The following PHF3 variants were observed in gnomAD, a reference collection of about 807,000 sequenced individuals.
PHF3 encodes the protein PHD finger protein 3.
A neutral mutation model predicts 178.4 loss-of-function variants in PHF3; 41 were observed. That is an observed-to-expected ratio of 0.23 (90% CI 0.18 to 0.30). The LOEUF (loss-of-function observed/expected upper bound fraction) is 0.30. Ranked by LOEUF, PHF3 falls within the 10% of genes least tolerant of loss-of-function variation. The pLI, the probability that PHF3 is intolerant of heterozygous loss-of-function variation, is 1.00. For synonymous variants in PHF3, 842 were observed against 800.5 expected (o/e 1.05, Z -0.88); for missense variants, 2,346 against 2,398.1 (o/e 0.98, Z 0.45).
rs1316297434 is a variant in PHF3, at chr6:63,717,630, A to G, written c.*3922A>G. Among the ~76,000 whole-genome samples, 2 of 152,054 alleles carry G rather than the reference A, an allele frequency of 1.3e-5. No homozygotes were observed. The highest frequency in any genetic ancestry group is 4.8e-5 in the African/African-American group (2 of 41,436). ...ATGTCAAGTTTCATCTTATAGATAG[A>G]TGCAGAGCAGAGTCATTGAGGGAAA... On this transcript the variant is annotated 3_prime_UTR_variant, in exon 16 of 16. Transcript: ENST00000262043.
intron 1 of PHF3, among the ~76,000 whole-genome samples, chr6:63,645,484 C>T (rs144193497): frequency 2.8e-4 from 42 of 152,228 alleles, no homozygotes; most frequent in African/African-American, 9.9e-4. Flanking sequence ...ATTCTTCCCT[C>T]ATTTTTATAG....
intron 14 of PHF3, 148 bp downstream of exon 14, chr6:63,709,388 A>G: frequency 1.6e-6 from 1 of 621,368 alleles, no homozygotes; most frequent in South Asian, 2.2e-5. Context: ...AAAACTGAAC[A>G]AAAGCCATTT....
intron 2 of PHF3, among the ~76,000 whole-genome samples, chr6:63,659,927 T>C (rs1429851399): frequency 6.6e-6 from 1 of 152,198 alleles, no homozygotes; most frequent in Non-Finnish European, 1.5e-5. Flanking sequence ...GCAATCATTC[T>C]AAATTTTTTT....
At chr6:63,709,835 T>G (rs1767852120) in intron 14 of PHF3, among the ~76,000 whole-genome samples, 1 of 152,180 alleles carries the variant, frequency 6.6e-6, no homozygotes, top group Non-Finnish European at 1.5e-5. Context: ...TTCTTATTAG[T>G]AATAGGAGGA....
chr6:63,721,128 A>T lies in PHF3; in HGVS notation c.*7420A>T. 1 of 1,551,434 alleles carries T rather than the reference A, an allele frequency of 6.4e-7. No homozygotes were observed. Among genetic ancestry groups the T allele is most frequent in the Non-Finnish European group, 8.7e-7 (1 of 1,146,754 alleles). The stretch of plus-strand genomic sequence containing the variant: ...GTTTCTCATTCTATAATTTGGATCA[A>T]TGTATTTAATGTAAGAATTACCCAT... On this transcript the variant is annotated 3_prime_UTR_variant, in exon 16 of 16. Transcript: ENST00000262043.
intron 14 of PHF3, among the ~76,000 whole-genome samples, chr6:63,710,933 T>C (rs1329874024): frequency 1.3e-5 from 2 of 152,210 alleles, no homozygotes; most frequent in African/African-American, 2.4e-5. Flanking sequence ...CCATTTCTTA[T>C]GTTTCCGTAA....
intron 6 of PHF3, among the ~76,000 whole-genome samples, chr6:63,695,087 G>T (rs879712930): frequency 6.6e-6 from 1 of 152,156 alleles, no homozygotes; most frequent in Non-Finnish European, 1.5e-5. Context: ...GTAATGGGAT[G>T]GATAGTCACA....
At chr6:63,690,407 A>C (rs527994487) in intron 4 of PHF3, among the ~76,000 whole-genome samples, 2 of 152,274 alleles carry the variant, frequency 1.3e-5, no homozygotes, top group Admixed American at 6.5e-5. Flanking sequence ...GAAGAAGAAA[A>C]GGAAGTGCTG....
At chr6:63,640,507 T>C (rs755893813) in intron 1 of PHF3, among the ~76,000 whole-genome samples, 2 of 152,240 alleles carry the variant, frequency 1.3e-5, no homozygotes, top group Non-Finnish European at 2.9e-5. Context: ...TTAATTTGTT[T>C]AGCACAATGC....
Position 63,682,153 on chromosome 6 carries a change from G to A in PHF3, c.407-1976G>A, listed in dbSNP as rs1046929557. ...TTACTATCTCCAGAGAATAAGCTACGAGTTTTGGCTCAGGACTAGGGAAGG... is the reference window on the plus strand; with the variant it reads ...TTACTATCTCCAGAGAATAAGCTACAAGTTTTGGCTCAGGACTAGGGAAGG... On this transcript the variant is annotated intron_variant, in intron 3 of 15. Coordinates refer to ENST00000262043, the MANE Select transcript of PHF3 (RefSeq NM_001370348.2). 9.9e-5 allele frequency among the ~76,000 whole-genome samples: 15 copies of A among 152,210 alleles called. 2 individuals are homozygous for A. Among genetic ancestry groups the A allele is most frequent in the Admixed American group, 7.9e-4 (12 of 15,286 alleles).
chr6:63,675,701 G>C (rs1039802924), intron 2 of PHF3, among the ~76,000 whole-genome samples: 21 of 152,148 alleles, frequency 1.4e-4, no homozygotes, highest in African/African-American at 5.1e-4. Context: ...ATTGTAGATT[G>C]TTGACCAAGA....
chr6:63,646,884 C>CTTTT, intron 2 of PHF3, 89 bp downstream of exon 2: 6 of 594,586 alleles, frequency 1.0e-5, no homozygotes, highest in Admixed American at 1.1e-4. Context: ...TTCTTTTTTT[C>CTTTT]TTTTTTTTTT....
Position 63,713,471 on chromosome 6 carries a change from C to T in PHF3, c.5883C>T (p.Ser1961=), listed in dbSNP as rs1157622380. The T allele has an allele frequency of 1.9e-6, 3 of 1,613,642 alleles. No individual in the cohort carries two copies. The highest frequency in any genetic ancestry group is 2.5e-6 in the Non-Finnish European group (3 of 1,179,890). Residue 1961 remains serine (S), a synonymous_variant, in exon 16 of 16, where the codon AGC becomes AGT. Transcript: ENST00000262043. The stretch of plus-strand genomic sequence containing the variant: ...AAGACAAGGACAGAGACAGAAAAAG[C>T]AGGGAGGAAGGGCACAAAGATAAAG... ...RSQDKDRDRK[S]REEGHKDKER...
At chr6:63,677,744 C>G (rs1297421656) in intron 2 of PHF3, among the ~76,000 whole-genome samples, 2 of 152,142 alleles carry the variant, frequency 1.3e-5, no homozygotes, top group African/African-American at 4.8e-5. Context: ...AAAACAACAG[C>G]AATGGCAAAA....
chr6:63,669,308 G>A (rs1258239836), intron 2 of PHF3, among the ~76,000 whole-genome samples: 1 of 152,220 alleles, frequency 6.6e-6, no homozygotes, highest in African/African-American at 2.4e-5. Context: ...TGGGAAACCA[G>A]TGATTGTATT....
chr6:63,659,920 A>G (rs1765394246), intron 2 of PHF3, among the ~76,000 whole-genome samples: 1 of 152,190 alleles, frequency 6.6e-6, no homozygotes, highest in African/African-American at 2.4e-5. Context: ...ATAGATTGCA[A>G]TCATTCTAAA....
At chr6:63,678,538 A>G (rs1444404297) in intron 2 of PHF3, among the ~76,000 whole-genome samples, 4 of 151,824 alleles carry the variant, frequency 2.6e-5, no homozygotes, top group Non-Finnish European at 5.9e-5. Flanking sequence ...GATAAGAATT[A>G]CTGTGTATGA....
Position 63,718,551 on chromosome 6 carries a change from A to G in PHF3, c.*4843A>G, listed in dbSNP as rs1375590433. Among the ~76,000 whole-genome samples the G allele has an allele frequency of 1.3e-5, 2 of 151,976 alleles. No homozygotes were observed. The highest frequency in any genetic ancestry group is 6.6e-5 in the Admixed American group (1 of 15,206). On this transcript the variant is annotated 3_prime_UTR_variant, in exon 16 of 16. Transcript: ENST00000262043. ...TTGTCTTGATTTTTGCATATTTCCA[A>G]TTTCTGACTTAGGGCTGGATTCTCT...
chr6:63,649,555 T>G (rs1475926127), intron 2 of PHF3, among the ~76,000 whole-genome samples: 3 of 152,216 alleles, frequency 2.0e-5, no homozygotes, highest in Non-Finnish European at 2.9e-5. Context: ...CGGACCAGTA[T>G]TTTTGTTGTT....
Sources: gnomAD v4.1 joint callset for allele counts (sites outside exome capture counted in the v4.1 genomes callset) on GRCh38, gnomAD v4.1.1 for gene constraint, MANE v1.5 for transcripts, NCBI Gene and HGNC (gene_info 2026-07-23, HGNC 2026-07-21) for gene names.